The following TMCC2 variants were observed in gnomAD, a reference collection of about 807,000 sequenced individuals.
TMCC2 encodes transmembrane and coiled-coil domains protein 2.
TMCC2 carries 16 observed loss-of-function variants against 49.4 expected under a neutral mutation model. The observed-to-expected ratio is 0.32, with a 90% CI of 0.22 to 0.49. TMCC2 has a LOEUF of 0.49. Ranked by LOEUF, TMCC2 falls within the 20% of genes least tolerant of loss-of-function variation. The pLI, the probability that TMCC2 is intolerant of heterozygous loss-of-function variation, is 0.99. For missense variants in TMCC2, 762 were observed against 989.8 expected (o/e 0.77, Z 3.09); for synonymous variants, 397 against 434.1 (o/e 0.91, Z 1.06).
chr1:205,271,668 A>G, intron 4 of TMCC2, 145 bp from the exon 5 acceptor site: 1 of 1,014,924 alleles, frequency 9.9e-7, no homozygotes, highest in Admixed American at 2.7e-5. Context: ...CTCTGACCCC[A>G]GTTGCAGCTG....
chr1:205,228,020 C>CGGGCCGGGGAGG lies in TMCC2; in HGVS notation c.-536_-525dup, dbSNP rs1361449385. ...CGCGTCAGGCGGGGAGCGGGGCGCG[C>CGGGCCGGGGAGG]GGGCCGGGGAGGGGGCCGGGCGCGC... On this transcript the variant is annotated 5_prime_UTR_variant, in exon 1 of 5. Coordinates refer to ENST00000358024, the MANE Select transcript of TMCC2 (RefSeq NM_014858.4). 6.8e-6 allele frequency among the ~76,000 whole-genome samples: 1 copy of CGGGCCGGGGAGG among 147,244 alleles called. No individual in the cohort carries two copies. The highest frequency in any genetic ancestry group is 2.1e-4 in the South Asian group (1 of 4,830).
At position 205,241,883 on chromosome 1, in the gene TMCC2, C is replaced by T; in HGVS notation, c.586C>T (p.His196Tyr). Reference protein sequence around the residue: ...SSLEPQRGSPHLLRKAPQDSS... With the variant: ...SSLEPQRGSPYLLRKAPQDSS... ...CCTGGAGCCCCAGCGTGGCAGCCCT[C>T]ACCTGCTGCGCAAGGCCCCCCAGGA... Residue 196 changes from histidine (H) to tyrosine (Y), a missense_variant, in exon 2 of 5, where the codon CAC (histidine) becomes TAC (tyrosine). Around this residue, in one of 2 missense-constraint regions of TMCC2, gnomAD observed 322 missense variants for 353.1 expected, o/e 0.91. Transcript: ENST00000358024. This position sits in a 1 kb window ranked among gnomAD's most constrained non-coding sequence, Gnocchi z 7.3. The T allele has an allele frequency of 1.2e-6, 2 of 1,606,712 alleles. No homozygotes were observed. The highest frequency in any genetic ancestry group is 1.1e-5 in the South Asian group (1 of 90,320).
intron 2 of TMCC2, among the ~76,000 whole-genome samples, chr1:205,251,764 C>A (rs1465204538): frequency 6.6e-6 from 1 of 152,216 alleles, no homozygotes; most frequent in Non-Finnish European, 1.5e-5. Flanking sequence ...CACTCATGTC[C>A]TTTTGAAAGC....
At chr1:205,248,393 A>G (rs1406706026) in intron 2 of TMCC2, among the ~76,000 whole-genome samples, 1 of 152,180 alleles carries the variant, frequency 6.6e-6, no homozygotes, top group Non-Finnish European at 1.5e-5. Context: ...TGGGTGACAG[A>G]TTGAGACCCC....
intron 2 of TMCC2, among the ~76,000 whole-genome samples, chr1:205,263,411 G>A (rs1424060886): frequency 1.3e-5 from 2 of 152,100 alleles, no homozygotes; most frequent in Non-Finnish European, 1.5e-5. Flanking sequence ...CAGTCTGGCC[G>A]AGTGCAGCTT....
chr1:205,271,501 C>T (rs1273062022), intron 4 of TMCC2, among the ~76,000 whole-genome samples: 1 of 152,256 alleles, frequency 6.6e-6, no homozygotes, highest in Non-Finnish European at 1.5e-5. Context: ...ATGCCCCCCA[C>T]CTCTTTGATG....
Position 205,241,791 on chromosome 1 carries a change from C to G in TMCC2, c.494C>G (p.Ala165Gly). 1 of 1,608,756 alleles carries G rather than the reference C, an allele frequency of 6.2e-7. No homozygotes were observed. Among genetic ancestry groups the G allele is most frequent in the Non-Finnish European group, 8.5e-7 (1 of 1,178,508 alleles). The change falls in exon 2 of 5, where the codon GCC (alanine) becomes GGC (glycine). Residue 165 changes from alanine (A) to glycine (G), a missense_variant. Around this residue, in one of 2 missense-constraint regions of TMCC2, gnomAD observed 322 missense variants for 353.1 expected, o/e 0.91. Coordinates refer to ENST00000358024, the MANE Select transcript of TMCC2 (RefSeq NM_014858.4). The surrounding 1 kb of genome is among the most constrained non-coding windows in gnomAD (Gnocchi z 7.3). ...TCCCGGCCCTCCATCAAGCGGGGCG[C>G]CAGCCTGCACAGCAGCAGTGGGGGC... ...IRSRPSIKRG[A>G]SLHSSSGGGS...
chr1:205,253,626 G>A (rs753997477), intron 2 of TMCC2, among the ~76,000 whole-genome samples: 3 of 152,226 alleles, frequency 2.0e-5, no homozygotes, highest in Non-Finnish European at 4.4e-5. Context: ...CAAGTGATGT[G>A]GCTTACTCCA....
In TMCC2 at chr1:205,271,138, G is replaced by C; in HGVS notation, c.1701G>C (p.Glu567Asp). The C allele has an allele frequency of 6.2e-7, 1 of 1,612,904 alleles. No individual in the cohort carries two copies. Among genetic ancestry groups the C allele is most frequent in the South Asian group, 1.1e-5 (1 of 91,032 alleles). The change falls in exon 4 of 5, where the codon GAG (glutamate) becomes GAC (aspartate). Residue 567 changes from glutamate to aspartate, a missense_variant. Around this residue, in one of 2 missense-constraint regions of TMCC2, gnomAD observed 440 missense variants for 636.7 expected, o/e 0.69. Transcript: ENST00000358024. ...EERYRYERLE[E>D]QLNDLTELHQ... ...CCGCCAGGTACGAGCGGCTGGAGGA[G>C]CAGCTCAACGACCTGACTGAGCTTC...
At chr1:205,270,961 T>C (rs976679613) in intron 3 of TMCC2, among the ~76,000 whole-genome samples, 159 bp from the exon 4 acceptor site, 4 of 152,226 alleles carry the variant, frequency 2.6e-5, no homozygotes, top group Non-Finnish European at 5.9e-5. Context: ...GTGTAAATAG[T>C]AGCTTCTATT....
At chr1:205,228,935 T>C in intron 1 of TMCC2, 164 bp downstream of exon 1, 2 of 1,421,148 alleles carry the variant, frequency 1.4e-6, no homozygotes, top group Non-Finnish European at 1.8e-6. Context: ...TCAGGTACCA[T>C]TTATGCCTCT....
In TMCC2 at chr1:205,272,251, T is replaced by G; in HGVS notation, c.*127T>G. On this transcript the variant is annotated 3_prime_UTR_variant, in exon 5 of 5. Coordinates refer to ENST00000358024, the MANE Select transcript of TMCC2 (RefSeq NM_014858.4). ...CCAAACTGTCCATTCCAGCAGCTCC[T>G]GCCCCCTTCTCTGTACTTGCTTCTG... 1.9e-5 allele frequency: 28 copies of G among 1,446,950 alleles called. No homozygotes were observed. Among genetic ancestry groups the G allele is most frequent in the Non-Finnish European group, 2.4e-5 (26 of 1,097,126 alleles). The allele number at this position is 1,446,950 out of a possible 1,614,324, so 89.6% of individuals were successfully genotyped here.
chr1:205,269,730 T>G lies in TMCC2; in HGVS notation c.1528T>G (p.Tyr510Asp). 6.2e-7 allele frequency: 1 copy of G among 1,614,156 alleles called. No homozygotes were observed. Among genetic ancestry groups the G allele is most frequent in the African/African-American group, 1.3e-5 (1 of 75,036 alleles). The change falls in exon 3 of 5, where the codon TAT becomes GAT. Residue 510 changes from tyrosine to aspartate, a missense_variant. This residue lies in a region of TMCC2 where 440 missense variants were observed against 636.7 expected (regional missense o/e 0.69). Coordinates refer to ENST00000358024, the MANE Select transcript of TMCC2 (RefSeq NM_014858.4). The stretch of plus-strand genomic sequence containing the variant: ...GGGGAGCCCTAAGTCCAATGCACTG[T>G]ATGGTGCTCCTGGAAACCTGGATGC... ...ALGSPKSNALYGAPGNLDALL... is the reference protein window; with the variant it reads ...ALGSPKSNALDGAPGNLDALL...
chr1:205,262,229 G>A (rs1661146406), intron 2 of TMCC2, among the ~76,000 whole-genome samples: 1 of 152,166 alleles, frequency 6.6e-6, no homozygotes, highest in South Asian at 2.1e-4. Context: ...TTCTGTGATT[G>A]GAGACCCAAC....
At chr1:205,235,948 A>G (rs1435428295) in intron 1 of TMCC2, among the ~76,000 whole-genome samples, 1 of 151,982 alleles carries the variant, frequency 6.6e-6, no homozygotes, top group Non-Finnish European at 1.5e-5. Context: ...GTGCCCGTAT[A>G]GTCCTAGCTG....
At chr1:205,229,171 GTGTGTGTGTGTGTGTGTGTGTGTGTGTA>G in intron 1 of TMCC2, 2 of 837,258 alleles carry the variant, frequency 2.4e-6, no homozygotes, top group Non-Finnish European at 2.9e-6. Flanking sequence ...GTGTGTGTGT[GTGTGTGTGTGTGTGTGTGTGTGTGTGTA>G]TGTGTGTGAG....
At chr1:205,240,427 G>A (rs1445010542) in intron 1 of TMCC2, among the ~76,000 whole-genome samples, 2 of 152,232 alleles carry the variant, frequency 1.3e-5, no homozygotes, top group Non-Finnish European at 2.9e-5. Flanking sequence ...CACTCATTTG[G>A]ATAGCTTGTT....
At chr1:205,250,165 G>T (rs1283988613) in intron 2 of TMCC2, among the ~76,000 whole-genome samples, 1 of 152,206 alleles carries the variant, frequency 6.6e-6, no homozygotes, top group African/African-American at 2.4e-5. Flanking sequence ...TTTTCAGACA[G>T]AATCAGCCAC....
At chr1:205,261,882 G>T in intron 2 of TMCC2, among the ~76,000 whole-genome samples, 1 of 152,042 alleles carries the variant, frequency 6.6e-6, no homozygotes, top group East Asian at 1.9e-4. Context: ...ACCTTCCGCA[G>T]ACCCTGTATC....
Sources: gnomAD v4.1 joint callset for allele counts (sites outside exome capture counted in the v4.1 genomes callset) on GRCh38, gnomAD v4.1.1 for gene constraint, gnomAD v4.1.1 regional missense constraint, Gnocchi (gnomAD v3.1) non-coding constraint, MANE v1.5 for transcripts, NCBI Gene and HGNC (gene_info 2026-07-23, HGNC 2026-07-21) for gene names.